The following DLGAP2 variants were observed in gnomAD, a reference collection of about 807,000 sequenced individuals.
DLGAP2 encodes the protein disks large-associated protein 2.
DLGAP2 carries 26 observed loss-of-function variants against 100.3 expected under a neutral mutation model. That is an observed-to-expected ratio of 0.26 (90% CI 0.19 to 0.36). DLGAP2 has a LOEUF of 0.36. Ranked by LOEUF, DLGAP2 falls within the 10% of genes least tolerant of loss-of-function variation. The probability of loss-of-function intolerance (pLI) is 1.00; values close to 1 mark genes in which losing one functional copy is unlikely to be tolerated. For synonymous variants in DLGAP2, 886 were observed against 630.1 expected, an observed-to-expected ratio of 1.41 and a Z score of -6.08; for missense variants, 1,858 against 1,453.2, an observed-to-expected ratio of 1.28 and a Z score of -4.53.
At chr8:946,977 A>C (rs2129006596) in intron 2 of DLGAP2, among the ~76,000 whole-genome samples, 1 of 152,286 alleles carries the variant, frequency 6.6e-6, no homozygotes, top group East Asian at 1.9e-4. Flanking sequence ...GACGTCGGGT[A>C]GCAGCACCAC....
intron 1 of DLGAP2, among the ~76,000 whole-genome samples, chr8:878,125 T>C (rs1797719445): frequency 6.6e-6 from 1 of 152,246 alleles, no homozygotes; most frequent in Non-Finnish European, 1.5e-5. Flanking sequence ...ACTGTCATGC[T>C]GGAAGTCACT....
At chr8:1,285,897 G>A (rs1799911949) in intron 3 of DLGAP2, among the ~76,000 whole-genome samples, 1 of 152,202 alleles carries the variant, frequency 6.6e-6, no homozygotes, top group African/African-American at 2.4e-5. Flanking sequence ...GGTTGAGGCT[G>A]CACTGAGCTG....
At chr8:982,332 A>T (rs2654015) in intron 2 of DLGAP2, among the ~76,000 whole-genome samples, 102,048 of 152,126 alleles carry the variant, frequency 0.67, 34,875 homozygotes, top group Admixed American at 0.76. Flanking sequence ...TACTGTAATA[A>T]TTTTTATTTT....
chr8:1,229,437 C>G (rs1026038633), intron 2 of DLGAP2, among the ~76,000 whole-genome samples: 6 of 152,046 alleles, frequency 3.9e-5, no homozygotes, highest in African/African-American at 1.2e-4. Flanking sequence ...GTATTTCTTG[C>G]TGATTCAATC....
At chr8:787,403 C>T (rs1289625524) in intron 1 of DLGAP2, among the ~76,000 whole-genome samples, 1 of 152,180 alleles carries the variant, frequency 6.6e-6, no homozygotes, top group African/African-American at 2.4e-5. Context: ...GGAAGGGTGG[C>T]CTCTAAAAAA....
chr8:1,166,463 C>G (rs921493142), intron 2 of DLGAP2, among the ~76,000 whole-genome samples: 2 of 152,214 alleles, frequency 1.3e-5, no homozygotes, highest in African/African-American at 4.8e-5. Flanking sequence ...TGGGCAGAGC[C>G]TTCACATTAG....
In DLGAP2 at chr8:1,678,605, G is replaced by A; in HGVS notation, c.2680G>A (p.Glu894Lys). 6.4e-7 allele frequency: 1 copy of A among 1,561,110 alleles called. No individual in the cohort carries two copies. Among genetic ancestry groups the A allele is most frequent in the Non-Finnish European group, 8.7e-7 (1 of 1,151,940 alleles). Residue 894 changes from glutamate to lysine, a missense_variant, in exon 12 of 15, where the codon GAG (glutamate) becomes AAG (lysine). Transcript: ENST00000637795. Reference sequence around the variant, plus strand: ...GTGCAAAGAGATGGAGAGAGAGGCGGAGGAGAACGACCTCTCGGAGGAAAG... The same window carrying A: ...GTGCAAAGAGATGGAGAGAGAGGCGAAGGAGAACGACCTCTCGGAGGAAAG... Reference protein sequence around the residue: ...GWCKEMEREAEENDLSEEILG... With the variant: ...GWCKEMEREAKENDLSEEILG...
At chr8:1,325,840 C>G (rs545337855) in intron 3 of DLGAP2, among the ~76,000 whole-genome samples, 11 of 152,158 alleles carry the variant, frequency 7.2e-5, no homozygotes, top group Non-Finnish European at 1.3e-4. Context: ...TTTGCAAGGA[C>G]CGTCCATGGA....
intron 3 of DLGAP2, among the ~76,000 whole-genome samples, chr8:1,344,198 G>GTCGTGGGTCCATGTATTCA (rs1563095215): frequency 1.7e-5 from 2 of 119,580 alleles, no homozygotes; most frequent in African/African-American, 3.0e-5. Flanking sequence ...CCGTGTACTC[G>GTCGTGGGTCCATGTATTCA]GGGCCCTGTC....
chr8:1,506,474 A>G (rs1021058585), intron 4 of DLGAP2, among the ~76,000 whole-genome samples: 6 of 152,158 alleles, frequency 3.9e-5, no homozygotes, highest in African/African-American at 1.4e-4. Flanking sequence ...TGGCCTCAGG[A>G]GTGAAGCTGC....
chr8:1,466,181 A>G (rs1563165993), intron 3 of DLGAP2, among the ~76,000 whole-genome samples: 1 of 152,184 alleles, frequency 6.6e-6, no homozygotes, highest in Non-Finnish European at 1.5e-5. Flanking sequence ...AGAAATAGTC[A>G]GAGGGGTCAA....
At chr8:1,334,862 C>T (rs140362175) in intron 3 of DLGAP2, among the ~76,000 whole-genome samples, 9 of 152,284 alleles carry the variant, frequency 5.9e-5, no homozygotes, top group Non-Finnish European at 1.2e-4. Flanking sequence ...TCTTGCCTCT[C>T]TCGCCTCTTT....
intron 3 of DLGAP2, among the ~76,000 whole-genome samples, chr8:1,354,648 G>A (rs2129637166): frequency 6.9e-6 from 1 of 145,242 alleles, no homozygotes; most frequent in Non-Finnish European, 1.5e-5. Flanking sequence ...TGATGCTGCG[G>A]ATGAAGGTGG....
intron 3 of DLGAP2, among the ~76,000 whole-genome samples, chr8:1,267,484 A>G (rs1486650619): frequency 6.7e-6 from 1 of 148,458 alleles, no homozygotes; most frequent in Non-Finnish European, 1.5e-5. Context: ...GCTTGAACCC[A>G]GGAGGTGGAG....
intron 2 of DLGAP2, among the ~76,000 whole-genome samples, chr8:1,008,226 G>A (rs990453199): frequency 7.9e-5 from 12 of 152,192 alleles, no homozygotes; most frequent in African/African-American, 2.9e-4. Flanking sequence ...TAGTTATTAC[G>A]TAGAACAAAT....
intron 3 of DLGAP2, among the ~76,000 whole-genome samples, chr8:1,320,393 C>T (rs376982301): frequency 8.5e-5 from 13 of 152,148 alleles, no homozygotes; most frequent in Admixed American, 2.0e-4. Flanking sequence ...ACCCTGGAGC[C>T]GGACCGGAGG....
intron 2 of DLGAP2, among the ~76,000 whole-genome samples, chr8:1,031,326 C>G (rs1279634708): frequency 1.3e-5 from 2 of 152,082 alleles, no homozygotes; most frequent in Non-Finnish European, 2.9e-5. Flanking sequence ...AGGTCTTGTG[C>G]TAGAAGCATG....
chr8:791,778 C>T (rs1357517268), intron 1 of DLGAP2, among the ~76,000 whole-genome samples: 1 of 152,186 alleles, frequency 6.6e-6, no homozygotes, highest in Non-Finnish European at 1.5e-5. Flanking sequence ...ACCCGTTATG[C>T]CTCCCCCTTA....
intron 2 of DLGAP2, among the ~76,000 whole-genome samples, chr8:1,135,535 T>C (rs1796391169): frequency 8.3e-6 from 1 of 120,474 alleles, no homozygotes; most frequent in South Asian, 3.0e-4. Context: ...TTTGTCCATA[T>C]CTTAAGAAGC....
Sources: gnomAD v4.1 joint callset for allele counts (sites outside exome capture counted in the v4.1 genomes callset) on GRCh38, gnomAD v4.1.1 for gene constraint, MANE v1.5 for transcripts, NCBI Gene and HGNC (gene_info 2026-07-23, HGNC 2026-07-21) for gene names.